PIK3CB: variants seen among roughly 807,000 people sequenced by gnomAD.
The protein encoded by PIK3CB is phosphatidylinositol-4,5-bisphosphate 3-kinase catalytic subunit beta.
In PIK3CB, 39 loss-of-function variants were observed where a neutral mutation model predicts 136.8. That is an observed-to-expected ratio of 0.29 (90% CI 0.22 to 0.37). PIK3CB has a LOEUF of 0.37. PIK3CB is among the 10% of genes least tolerant of loss of function. The pLI is 1.00. For missense variants in PIK3CB, 868 were observed against 1,275.4 expected, an observed-to-expected ratio of 0.68 and a Z score of 4.87; for synonymous variants, 428 against 436.6, an observed-to-expected ratio of 0.98 and a Z score of 0.25.
intron 12 of PIK3CB, among the ~76,000 whole-genome samples, chr3:138,702,727 GTC>G (rs1453017271): frequency 6.6e-6 from 1 of 152,214 alleles, no homozygotes; most frequent in Non-Finnish European, 1.5e-5. Flanking sequence ...TCTTGCAGTT[GTC>G]TCTTTTTAAA....
intron 2 of PIK3CB, among the ~76,000 whole-genome samples, chr3:138,761,042 T>C (rs2045656146): frequency 1.3e-5 from 2 of 152,198 alleles, no homozygotes; most frequent in Admixed American, 6.5e-5. Context: ...TAATAGATGC[T>C]AAAGACATAA....
At chr3:138,785,003 G>A (rs373458571) in intron 2 of PIK3CB, among the ~76,000 whole-genome samples, 1 of 151,274 alleles carries the variant, frequency 6.6e-6, no homozygotes, top group Non-Finnish European at 1.5e-5. Flanking sequence ...CCCGGCAGCC[G>A]CCCCGTCTGG....
At chr3:138,773,373 A>T (rs1175364045) in intron 2 of PIK3CB, among the ~76,000 whole-genome samples, 1 of 152,096 alleles carries the variant, frequency 6.6e-6, no homozygotes, top group Non-Finnish European at 1.5e-5. Context: ...CCTGGGCGAT[A>T]GAGTGAGTGA....
At chr3:138,710,302 G>GACAC (rs148221283) in intron 10 of PIK3CB, among the ~76,000 whole-genome samples, 4 of 151,188 alleles carry the variant, frequency 2.6e-5, no homozygotes, top group African/African-American at 9.7e-5. Context: ...GGAATAGAAG[G>GACAC]ACACACACAC....
At chr3:138,727,262 G>A (rs573054180) in intron 8 of PIK3CB, among the ~76,000 whole-genome samples, 2 of 152,178 alleles carry the variant, frequency 1.3e-5, no homozygotes, top group African/African-American at 2.4e-5. Context: ...CTGCAAATAC[G>A]ATGGATTAGA....
chr3:138,668,403 CAG>C lies in PIK3CB; in HGVS notation c.2505-3202_2505-3201del, dbSNP rs934219291. Among the ~76,000 whole-genome samples the C allele has an allele frequency of 7.9e-5, 12 of 152,210 alleles. No individual in the cohort carries two copies. The East Asian group carries it at 2.1e-3, about 27-fold the overall frequency. ...AATGAGAAGGAAAAAACATCCTTCT[CAG>C]AGAGTTTGACAGAAGTCAAGCTGGG... is the stretch of plus-strand genomic sequence containing the variant. On this transcript the variant is annotated intron_variant, in intron 19 of 23. Coordinates refer to ENST00000674063, the MANE Select transcript of PIK3CB (RefSeq NM_006219.3).
chr3:138,737,546 G>A (rs114329616), intron 6 of PIK3CB, among the ~76,000 whole-genome samples, 161 bp downstream of exon 6: 1,821 of 150,852 alleles, frequency 0.012, 19 homozygotes, highest in Non-Finnish European at 0.02. Flanking sequence ...TATCTCAGAG[G>A]TAAGTACTAT....
chr3:138,712,151 TC>T, intron 10 of PIK3CB, 56 bp downstream of exon 10: 1 of 759,478 alleles, frequency 1.3e-6, no homozygotes, highest in Non-Finnish European at 2.3e-6. Context: ...TATTACCTAG[TC>T]CACATGCCAA....
chr3:138,814,875 C>T (rs1370012117), intron 1 of PIK3CB, among the ~76,000 whole-genome samples: 2 of 151,928 alleles, frequency 1.3e-5, no homozygotes, highest in Admixed American at 6.6e-5. Context: ...CGGTGGCTCA[C>T]GCCTATAATC....
intron 4 of PIK3CB, among the ~76,000 whole-genome samples, chr3:138,749,692 C>T (rs2045430095): frequency 6.6e-6 from 1 of 152,102 alleles, no homozygotes; most frequent in Admixed American, 6.6e-5. Context: ...TTTTTCCTTT[C>T]TCCACCTCTC....
intron 3 of PIK3CB, among the ~76,000 whole-genome samples, chr3:138,757,317 T>A (rs1336281597): frequency 6.6e-6 from 1 of 151,820 alleles, no homozygotes; most frequent in Non-Finnish European, 1.5e-5. Context: ...AGCAGGAGAA[T>A]CACTTGAACC....
At chr3:138,756,968 G>A (rs1367861757) in intron 3 of PIK3CB, among the ~76,000 whole-genome samples, 2 of 152,038 alleles carry the variant, frequency 1.3e-5, no homozygotes, top group Admixed American at 1.3e-4. Context: ...AATATATAAA[G>A]AACTCCTACA....
intron 13 of PIK3CB, among the ~76,000 whole-genome samples, chr3:138,695,931 A>AG (rs2044127515): frequency 1.1e-5 from 1 of 90,838 alleles, no homozygotes; most frequent in South Asian, 4.0e-4. Flanking sequence ...AATTTTTTGT[A>AG]TTTTTTTTTT....
chr3:138,736,526 T>C (rs1234430112), intron 6 of PIK3CB, among the ~76,000 whole-genome samples: 2 of 152,228 alleles, frequency 1.3e-5, no homozygotes, highest in Non-Finnish European at 2.9e-5. Flanking sequence ...ATAATATTCC[T>C]TACATAATGA....
intron 1 of PIK3CB, among the ~76,000 whole-genome samples, chr3:138,834,156 G>C (rs866533367): frequency 6.6e-6 from 1 of 152,180 alleles, no homozygotes; most frequent in African/African-American, 2.4e-5. Context: ...ACAACCTTAT[G>C]GTGTATGTAT....
chr3:138,727,702 C>T (rs1217889467), intron 8 of PIK3CB, among the ~76,000 whole-genome samples: 2 of 152,162 alleles, frequency 1.3e-5, no homozygotes, highest in Non-Finnish European at 2.9e-5. Context: ...CAACAGAAAA[C>T]TAACATAAGG....
At chr3:138,803,365 CCTGT>C (rs1283152708) in intron 1 of PIK3CB, among the ~76,000 whole-genome samples, 1 of 152,104 alleles carries the variant, frequency 6.6e-6, no homozygotes, top group Non-Finnish European at 1.5e-5. Flanking sequence ...AACATATTTT[CCTGT>C]CTTTATTTGC....
intron 1 of PIK3CB, among the ~76,000 whole-genome samples, chr3:138,802,664 C>G (rs1465672594): frequency 1.3e-5 from 2 of 152,164 alleles, no homozygotes; most frequent in East Asian, 3.9e-4. Context: ...GAGTACCAAT[C>G]CTGCTCTATT....
chr3:138,674,993 G>A (rs556763596), intron 19 of PIK3CB, among the ~76,000 whole-genome samples: 1 of 152,134 alleles, frequency 6.6e-6, no homozygotes, highest in African/African-American at 2.4e-5. Flanking sequence ...GGGAGGTGGA[G>A]GTGTCAGTGA....
Sources: gnomAD v4.1 joint callset for allele counts (sites outside exome capture counted in the v4.1 genomes callset) on GRCh38, gnomAD v4.1.1 for gene constraint, MANE v1.5 for transcripts, NCBI Gene and HGNC (gene_info 2026-07-23, HGNC 2026-07-21) for gene names.